Variants in EXOC1 observed in about 807,000 individuals in gnomAD.
EXOC1 encodes the protein exocyst complex component 1.
Under a neutral mutation model 107.7 loss-of-function variants are expected in EXOC1, and 67 were observed. The observed-to-expected ratio is 0.62, with a 90% CI of 0.51 to 0.76. The LOEUF is 0.76. Ranked by LOEUF, EXOC1 falls within the 30% of genes least tolerant of loss-of-function variation. The probability of loss-of-function intolerance (pLI) is 0.00; values close to 1 mark genes in which losing one functional copy is unlikely to be tolerated. For synonymous variants in EXOC1, 348 were observed against 353.5 expected (o/e 0.98, Z 0.17); for missense variants, 833 against 1,055.7 (o/e 0.79, Z 2.92).
intron 7 of EXOC1, 121 bp downstream of exon 7, chr4:55,871,354 A>C (rs1336885093): frequency 7.9e-7 from 1 of 1,259,090 alleles, no homozygotes; most frequent in East Asian, 2.5e-5. Context: ...ATTATTAGCT[A>C]TTCAAGTTTC....
chr4:55,883,959 C>T (rs1458424455), intron 10 of EXOC1, 31 bp downstream of exon 10: 7 of 1,467,832 alleles, frequency 4.8e-6, no homozygotes, highest in Non-Finnish European at 6.5e-6. Context: ...TCATTATCTT[C>T]CTATTAAAAA....
rs552132061 is a variant in EXOC1, at chr4:55,872,555, C to A, written c.1074+597C>A. ...ATTTGAATAAAAGCCATTTTAATATCTAATACAATAAATTAGGTTTCTTAT... is the reference window on the plus strand; with the variant it reads ...ATTTGAATAAAAGCCATTTTAATATATAATACAATAAATTAGGTTTCTTAT... On this transcript the variant is annotated intron_variant, in intron 8 of 18. Coordinates refer to ENST00000381295, the MANE Select transcript of EXOC1 (RefSeq NM_001024924.2). 3.9e-5 allele frequency among the ~76,000 whole-genome samples: 6 copies of A among 152,010 alleles called. No individual in the cohort carries two copies. In the South Asian group the frequency reaches 1.2e-3, roughly 32 times the overall value.
At chr4:55,895,935 C>T (rs17086129) in intron 15 of EXOC1, among the ~76,000 whole-genome samples, 33,709 of 151,984 alleles carry the variant, frequency 0.22, 4,005 homozygotes, top group East Asian at 0.48. Flanking sequence ...TTTAGACTGA[C>T]GAAAATTGGA....
intron 16 of EXOC1, among the ~76,000 whole-genome samples, chr4:55,897,123 G>GA (rs1315932529): frequency 6.7e-6 from 1 of 150,038 alleles, no homozygotes; most frequent in Non-Finnish European, 1.5e-5. Flanking sequence ...ATGCAAAATT[G>GA]AAAATCTTTT....
intron 10 of EXOC1, among the ~76,000 whole-genome samples, chr4:55,884,986 G>A (rs990635871): frequency 7.9e-5 from 12 of 152,162 alleles, no homozygotes; most frequent in African/African-American, 2.7e-4. Flanking sequence ...ACACTTTACA[G>A]ATACTGATAA....
intron 4 of EXOC1, chr4:55,867,001 T>A: frequency 2.0e-6 from 1 of 508,350 alleles, no homozygotes; most frequent in Non-Finnish European, 2.5e-6. Context: ...AAATTTATTT[T>A]AAAAATCTAC....
intron 8 of EXOC1, chr4:55,875,791 G>A (rs1722844740): frequency 1.1e-5 from 11 of 985,196 alleles, no homozygotes; most frequent in African/African-American, 1.7e-5. Flanking sequence ...TAGGCCAGGC[G>A]CAGTGGCTCA....
intron 16 of EXOC1, among the ~76,000 whole-genome samples, chr4:55,898,886 T>A (rs966603669): frequency 2.2e-4 from 34 of 152,192 alleles, no homozygotes; most frequent in African/African-American, 8.0e-4. Flanking sequence ...TATCTATCTT[T>A]GTATACTTGT....
chr4:55,881,472 A>C (rs1385327003), intron 9 of EXOC1, among the ~76,000 whole-genome samples: 1 of 152,134 alleles, frequency 6.6e-6, no homozygotes, highest in Non-Finnish European at 1.5e-5. Flanking sequence ...AAGGATGCGC[A>C]CCCATGATAC....
At chr4:55,888,613 C>A (rs1355352152) in intron 10 of EXOC1, among the ~76,000 whole-genome samples, 3 of 149,520 alleles carry the variant, frequency 2.0e-5, no homozygotes, top group East Asian at 2.0e-4. Flanking sequence ...AAAAAAAAAA[C>A]ATTTTAAAGT....
At chr4:55,875,034 A>G (rs1468129652) in intron 8 of EXOC1, among the ~76,000 whole-genome samples, 1 of 152,198 alleles carries the variant, frequency 6.6e-6, no homozygotes, top group African/African-American at 2.4e-5. Flanking sequence ...CTTTAGCAAC[A>G]TGATGAGACT....
intron 1 of EXOC1, among the ~76,000 whole-genome samples, chr4:55,854,923 G>GC (rs1049603810): frequency 6.6e-6 from 1 of 152,168 alleles, no homozygotes; most frequent in African/African-American, 2.4e-5. Flanking sequence ...GATTTAATGA[G>GC]CCCATTAGAC....
At chr4:55,878,205 A>G (rs1214409957) in intron 9 of EXOC1, 139 bp downstream of exon 9, 4 of 941,872 alleles carry the variant, frequency 4.2e-6, no homozygotes, top group African/African-American at 3.3e-5. Flanking sequence ...GCTCTTTACC[A>G]GTGATAACAT....
chr4:55,894,350 G>A (rs116775346), intron 15 of EXOC1, among the ~76,000 whole-genome samples: 2,065 of 150,248 alleles, frequency 0.014, 60 homozygotes, highest in African/African-American at 0.047. Flanking sequence ...AAAATCTACC[G>A]AATCACTGAC....
rs192992453 is a variant in EXOC1, at chr4:55,895,941, T to C, written c.1954-776T>C. Among the ~76,000 whole-genome samples the C allele has an allele frequency of 4.1e-4, 63 of 152,178 alleles. No individual in the cohort carries two copies. The East Asian group carries it at 0.01, about 25-fold the overall frequency. ...GACAGAAATTTTAGACTGACGAAAATTGGAAATGACTGTGGTTCTCAAACT... is the reference window on the plus strand; with the variant it reads ...GACAGAAATTTTAGACTGACGAAAACTGGAAATGACTGTGGTTCTCAAACT... On this transcript the variant is annotated intron_variant, in intron 15 of 18. Coordinates refer to ENST00000381295, the MANE Select transcript of EXOC1 (RefSeq NM_001024924.2).
intron 10 of EXOC1, chr4:55,885,541 T>C (rs1005897632): frequency 6.6e-5 from 10 of 152,192 alleles, no homozygotes; most frequent in Admixed American, 1.3e-4. Context: ...AATGTGTCTA[T>C]TAAATAGCAA....
intron 3 of EXOC1, among the ~76,000 whole-genome samples, chr4:55,862,145 A>G (rs1368452379): frequency 6.6e-6 from 1 of 152,208 alleles, no homozygotes; most frequent in Admixed American, 6.5e-5. Context: ...GTTTTCTGTT[A>G]AGACAAAACA....
At chr4:55,884,681 G>A (rs570975091) in intron 10 of EXOC1, among the ~76,000 whole-genome samples, 1 of 152,244 alleles carries the variant, frequency 6.6e-6, no homozygotes, top group African/African-American at 2.4e-5. Context: ...GTCAAAACCT[G>A]GCCTTAAATG....
intron 5 of EXOC1, among the ~76,000 whole-genome samples, chr4:55,868,919 A>C (rs1394559284): frequency 6.6e-6 from 1 of 152,222 alleles, no homozygotes; most frequent in Non-Finnish European, 1.5e-5. Flanking sequence ...ATAAAGAGAG[A>C]AATGTGGCTG....
Sources: gnomAD v4.1 joint callset for allele counts (sites outside exome capture counted in the v4.1 genomes callset) on GRCh38, gnomAD v4.1.1 for gene constraint, MANE v1.5 for transcripts, NCBI Gene and HGNC (gene_info 2026-07-23, HGNC 2026-07-21) for gene names.